The following MBNL2 variants were observed in gnomAD, a reference collection of about 807,000 sequenced individuals.
MBNL2 encodes muscleblind like splicing regulator 2, also known as muscleblind-like protein 2.
Under a neutral mutation model 41.9 loss-of-function variants are expected in MBNL2, and 17 were observed. That is an observed-to-expected ratio of 0.41 (90% CI 0.28 to 0.61). MBNL2 has a LOEUF of 0.61. Among genes scored for constraint, MBNL2 ranks in the 20% least tolerant of loss-of-function variants. The pLI, the probability that MBNL2 is intolerant of heterozygous loss-of-function variation, is 0.35. For synonymous variants in MBNL2, 195 were observed against 182.9 expected, an observed-to-expected ratio of 1.07 and a Z score of -0.53; for missense variants, 336 against 505.6, an observed-to-expected ratio of 0.66 and a Z score of 3.22.
At chr13:97,145,530 C>T in the MBNL2 span, among the ~76,000 whole-genome samples, 1 of 152,296 alleles carries the variant, frequency 6.6e-6, no homozygotes, top group East Asian at 1.9e-4. Flanking sequence ...GCAGTGATAA[C>T]TTGCCATATG....
Position 97,226,079 on chromosome 13 carries a change from C to T in MBNL2, c.-605+3548C>T, listed in dbSNP as rs564926469. ...TATTTGTTGCAGCCGTGATAATATT[C>T]GTAGTAAAGAGCCAAAGGTGCTGCG... On this transcript the variant is annotated intron_variant, in intron 1 of 8. Transcript: ENST00000679496. Among the ~76,000 whole-genome samples, 17 of 151,482 alleles carry T rather than the reference C, an allele frequency of 1.1e-4. No homozygotes were observed. In the South Asian group the frequency reaches 2.9e-3, roughly 26 times the overall value.
intron 5 of MBNL2, among the ~76,000 whole-genome samples, chr13:97,354,858 A>T (rs889031637): frequency 6.6e-6 from 1 of 152,176 alleles, no homozygotes; most frequent in African/African-American, 2.4e-5. Flanking sequence ...GGAAGGGGAA[A>T]AATTGAGTCC....
intron 2 of MBNL2, among the ~76,000 whole-genome samples, chr13:97,327,560 TA>T (rs71922683): frequency 1.6e-3 from 141 of 90,738 alleles, no homozygotes; most frequent in Admixed American, 2.4e-3. Context: ...ACGTTATTTG[TA>T]AAAAAAAAAA....
rs2066437806 is a variant in MBNL2 at position 97,393,423 on chromosome 13, T to C, written c.*1974T>C. On this transcript the variant is annotated 3_prime_UTR_variant, in exon 9 of 9. Coordinates refer to ENST00000679496, the MANE Select transcript of MBNL2 (RefSeq NM_001382683.1). ...TTTCTTTTGTTTCATGATTTTGATT[T>C]TTAAAATTATTAGCACACAACTATT... 6.6e-6 allele frequency: 1 copy of C among 152,404 alleles called. No homozygotes were observed. Among genetic ancestry groups the C allele is most frequent in the Non-Finnish European group, 1.5e-5 (1 of 67,930 alleles). The allele number at this position is 152,404 out of a possible 1,614,324, so 9.4% of individuals were successfully genotyped here.
intron 2 of MBNL2, among the ~76,000 whole-genome samples, chr13:97,302,164 T>A (rs370214491): frequency 6.6e-6 from 1 of 152,204 alleles, no homozygotes; most frequent in East Asian, 1.9e-4. Flanking sequence ...ACTATCTTCC[T>A]AAGCTAGTTC....
chr13:97,288,933 T>C (rs1317770754), intron 2 of MBNL2, among the ~76,000 whole-genome samples: 2 of 152,214 alleles, frequency 1.3e-5, no homozygotes, highest in African/African-American at 4.8e-5. Flanking sequence ...GAGACCATTT[T>C]CTTATGCCTG....
the MBNL2 span, among the ~76,000 whole-genome samples, chr13:97,168,519 T>A: frequency 6.6e-6 from 1 of 152,206 alleles, no homozygotes; most frequent in Non-Finnish European, 1.5e-5. Context: ...TAGCTTATCA[T>A]ATTCTAAATA....
intron 3 of MBNL2, among the ~76,000 whole-genome samples, chr13:97,337,722 C>T (rs577095892): frequency 2.5e-4 from 38 of 152,228 alleles, no homozygotes; most frequent in Admixed American, 1.8e-3. Flanking sequence ...AACTGGCAAT[C>T]GAAAACCAAA....
the MBNL2 span, among the ~76,000 whole-genome samples, chr13:97,171,933 T>C: frequency 1.3e-5 from 2 of 152,284 alleles, no homozygotes; most frequent in South Asian, 2.1e-4. Context: ...TGCCTGCTGC[T>C]ATGTAAGATG....
At chr13:97,211,630 C>T in the MBNL2 span, among the ~76,000 whole-genome samples, 1 of 152,158 alleles carries the variant, frequency 6.6e-6, no homozygotes, top group Non-Finnish European at 1.5e-5. Context: ...ACATCAGCAT[C>T]AGAATGCTGT....
At chr13:97,363,103 G>C (rs1316570519) in intron 7 of MBNL2, 1 of 152,130 alleles carries the variant, frequency 6.6e-6, no homozygotes, top group Non-Finnish European at 1.5e-5. Context: ...GCCATAGACC[G>C]AGGTGTAGAA....
At chr13:97,358,610 A>AAGAT (rs1594262150) in intron 7 of MBNL2, among the ~76,000 whole-genome samples, 1 of 152,144 alleles carries the variant, frequency 6.6e-6, no homozygotes, top group East Asian at 1.9e-4. Context: ...ACCATACGCA[A>AAGAT]AGATAGTCAC....
chr13:97,370,625 C>T (rs369686169), intron 8 of MBNL2, among the ~76,000 whole-genome samples: 8 of 149,670 alleles, frequency 5.3e-5, no homozygotes, highest in South Asian at 2.1e-4. Flanking sequence ...GCTGAGATCG[C>T]GCAATTGTAC....
At chr13:97,362,056 G>A (rs1161419810) in intron 7 of MBNL2, among the ~76,000 whole-genome samples, 1 of 152,082 alleles carries the variant, frequency 6.6e-6, no homozygotes, top group Non-Finnish European at 1.5e-5. Flanking sequence ...ACAGGCGTGA[G>A]CCACTGTGCC....
upstream of MBNL2, among the ~76,000 whole-genome samples, chr13:97,218,462 G>C (rs1292401649): frequency 9.1e-6 from 1 of 109,760 alleles, no homozygotes; most frequent in African/African-American, 3.5e-5. Context: ...ACTGGGCCTA[G>C]AGGTCAAAAG....
chr13:97,182,526 G>C, the MBNL2 span, among the ~76,000 whole-genome samples: 2 of 152,158 alleles, frequency 1.3e-5, no homozygotes, highest in African/African-American at 4.8e-5. Context: ...AAACTGATGA[G>C]ACACCACAAT....
rs751312794 is a variant in MBNL2 at position 97,356,778 on chromosome 13, G to A, written c.805-18G>A. 17 of 1,358,100 alleles carry A rather than the reference G, an allele frequency of 1.3e-5. No homozygotes were observed. In the Admixed American group the frequency reaches 2.5e-4, roughly 20 times the overall value. The allele number at this position is 1,358,100 out of a possible 1,614,324, so 84.1% of individuals were successfully genotyped here. On this transcript the variant is annotated intron_variant, in intron 5 of 8. Transcript: ENST00000679496. Reference sequence around the variant, plus strand: ...ATTGGCCCACTGCCATCATGTGCTCGCTGCCTGTTATTAAAAGACTCAGTC... The same window carrying A: ...ATTGGCCCACTGCCATCATGTGCTCACTGCCTGTTATTAAAAGACTCAGTC...
intron 2 of MBNL2, among the ~76,000 whole-genome samples, chr13:97,325,146 G>A (rs905999147): frequency 4.6e-5 from 7 of 152,056 alleles, no homozygotes; most frequent in South Asian, 2.1e-4. Context: ...AACTACCCCC[G>A]TGACTCAGAA....
the MBNL2 span, among the ~76,000 whole-genome samples, chr13:97,190,484 C>T: frequency 2.6e-5 from 4 of 151,780 alleles, no homozygotes; most frequent in Non-Finnish European, 5.9e-5. Flanking sequence ...TATGCTAAGC[C>T]TTGAAAAGCC....
Sources: gnomAD v4.1 joint callset for allele counts (sites outside exome capture counted in the v4.1 genomes callset) on GRCh38, gnomAD v4.1.1 for gene constraint, MANE v1.5 for transcripts, NCBI Gene and HGNC (gene_info 2026-07-23, HGNC 2026-07-21) for gene names.